Variants in PIAS2 observed in about 807,000 individuals in gnomAD.
PIAS2 encodes the protein protein inhibitor of activated STAT 2.
A neutral mutation model predicts 69.7 loss-of-function variants in PIAS2; 19 were observed. The ratio of observed to expected loss-of-function variants is 0.27; its 90% CI spans 0.19 to 0.40. The LOEUF is 0.40. Among genes scored for constraint, PIAS2 ranks in the 10% least tolerant of loss-of-function variants. PIAS2 has a pLI of 1.00. For synonymous variants in PIAS2, 261 were observed against 263.2 expected (o/e 0.99, Z 0.08); for missense variants, 624 against 757.0 (o/e 0.82, Z 2.06).
chr18:46,832,892 C>CAAAAAAAAAAAAA (rs34958166), intron 9 of PIAS2, among the ~76,000 whole-genome samples: 56 of 105,928 alleles, frequency 5.3e-4, no homozygotes, highest in African/African-American at 1.8e-3. Flanking sequence ...CCTCTGTCTC[C>CAAAAAAAAAAAAA]AAAAAAAAAA....
At chr18:46,860,354 T>C (rs182894685) in intron 3 of PIAS2, among the ~76,000 whole-genome samples, 35 of 152,292 alleles carry the variant, frequency 2.3e-4, no homozygotes, top group Non-Finnish European at 4.7e-4. Context: ...ATGTACAATA[T>C]GCTAGATCAA....
intron 12 of PIAS2, chr18:46,816,413 C>T (rs1009772742): frequency 2.9e-5 from 29 of 984,912 alleles, no homozygotes; most frequent in Non-Finnish European, 3.5e-5. Context: ...TAGCACCAAT[C>T]ATTTGAAAGA....
At chr18:46,827,908 A>G in intron 11 of PIAS2, 51 bp downstream of exon 11, 1 of 1,467,788 alleles carries the variant, frequency 6.8e-7, no homozygotes, top group Non-Finnish European at 9.4e-7. Context: ...TCTATCCAAG[A>G]GCAATTAGTT....
chr18:46,855,493 T>C (rs2047603814), intron 4 of PIAS2, 58 bp from the exon 5 acceptor site: 5 of 1,575,846 alleles, frequency 3.2e-6, no homozygotes, highest in African/African-American at 1.4e-5. Context: ...TTCTTATATG[T>C]TTTAAAATTC....
intron 1 of PIAS2, among the ~76,000 whole-genome samples, chr18:46,911,748 C>G (rs1293206384): frequency 6.6e-6 from 1 of 152,056 alleles, no homozygotes; most frequent in African/African-American, 2.4e-5. Context: ...CAGTACTAAC[C>G]AAAAACAAAG....
intron 1 of PIAS2, among the ~76,000 whole-genome samples, chr18:46,907,111 G>A (rs1429052110): frequency 6.6e-6 from 1 of 152,094 alleles, no homozygotes. Context: ...GCAATGGAGA[G>A]GTTAAAAGTC....
intron 2 of PIAS2, among the ~76,000 whole-genome samples, chr18:46,883,365 T>C (rs1298085693): frequency 4.6e-5 from 7 of 152,164 alleles, no homozygotes; most frequent in African/African-American, 9.7e-5. Flanking sequence ...TTATGATGCA[T>C]ATAAACAGCG....
rs1009502186 is a variant in PIAS2, at chr18:46,806,118, G to C, written c.*6315C>G. 3 of 152,034 alleles carry C rather than the reference G, an allele frequency of 2.0e-5. No individual in the cohort carries two copies. The highest frequency in any genetic ancestry group is 7.2e-5 in the African/African-American group (3 of 41,382). The allele number at this position is 152,034 out of a possible 1,614,324, so 9.4% of individuals were successfully genotyped here. A position where few individuals can be genotyped will look rare whatever the true frequency, so the allele number is the denominator to read the frequency against. On this transcript the variant is annotated 3_prime_UTR_variant, in exon 14 of 14. Transcript: ENST00000585916. The stretch of plus-strand genomic sequence containing the variant: ...ACCAGTTCTCATAATTTTAAGTCTA[G>C]ATTCCCATATCAGTCTCCTAGATAG...
At chr18:46,896,086 G>C (rs934664309) in intron 1 of PIAS2, among the ~76,000 whole-genome samples, 1 of 144,436 alleles carries the variant, frequency 6.9e-6, no homozygotes, top group African/African-American at 2.6e-5. Flanking sequence ...AAATAAAGTA[G>C]TCAATTAAGG....
chr18:46,909,242 G>GT (rs1274971828), intron 1 of PIAS2, among the ~76,000 whole-genome samples: 1 of 152,100 alleles, frequency 6.6e-6, no homozygotes, highest in Non-Finnish European at 1.5e-5. Context: ...CTAAAAGGTG[G>GT]TATTTTATAC....
At chr18:46,827,734 GAAAT>G in intron 11 of PIAS2, 1 of 419,116 alleles carries the variant, frequency 2.4e-6, no homozygotes, top group Middle Eastern at 6.4e-4. Context: ...TCTCAGGTAG[GAAAT>G]AAATACCTCA....
intron 5 of PIAS2, among the ~76,000 whole-genome samples, chr18:46,850,471 T>A (rs972774837): frequency 2.0e-5 from 3 of 152,328 alleles, no homozygotes; most frequent in East Asian, 3.9e-4. Context: ...TTAGGTATAT[T>A]GCTTCCTCGA....
At chr18:46,883,565 G>A (rs560730423) in intron 2 of PIAS2, among the ~76,000 whole-genome samples, 4 of 152,072 alleles carry the variant, frequency 2.6e-5, no homozygotes, top group Non-Finnish European at 4.4e-5. Context: ...AAGCCTGGCA[G>A]AATGGCTCAT....
upstream of PIAS2, chr18:46,917,585 C>T (rs1400343225): frequency 3.9e-5 from 41 of 1,051,534 alleles, no homozygotes; most frequent in Admixed American, 1.3e-3. Flanking sequence ...GCGCGACCGC[C>T]TTCCGCCCGC....
chr18:46,829,731 T>C lies in PIAS2; in HGVS notation c.1336+3A>G. On this transcript the variant is annotated splice_donor_region_variant and intron_variant, in intron 10 of 13. Coordinates refer to ENST00000585916, the MANE Select transcript of PIAS2 (RefSeq NM_004671.5). The stretch of plus-strand genomic sequence containing the variant: ...TTACTCTCTGCTGCTATTCTACACA[T>C]ACTTTCTATTTTTGTACACGGTTGG... 1 of 1,612,292 alleles carries C rather than the reference T, an allele frequency of 6.2e-7. No homozygotes were observed. The highest frequency in any genetic ancestry group is 8.5e-7 in the Non-Finnish European group (1 of 1,179,152).
intron 11 of PIAS2, chr18:46,826,626 AT>A (rs1171013983): frequency 1.3e-5 from 2 of 152,226 alleles, no homozygotes; most frequent in Admixed American, 6.5e-5. Context: ...TCTGTTTATC[AT>A]TTAAATTACA....
chr18:46,905,138 C>A (rs554843704), intron 1 of PIAS2, among the ~76,000 whole-genome samples: 32 of 152,220 alleles, frequency 2.1e-4, no homozygotes, highest in African/African-American at 7.2e-4. Flanking sequence ...ATAGTCTAAA[C>A]ATATTTCAAA....
chr18:46,891,248 G>A, intron 1 of PIAS2, 194 bp from the exon 2 acceptor site: 1 of 682,080 alleles, frequency 1.5e-6, no homozygotes, highest in Non-Finnish European at 2.6e-6. Context: ...AAGTTACGGT[G>A]TTAATTATAT....
intron 1 of PIAS2, chr18:46,915,558 A>G (rs1347025950): frequency 1.3e-5 from 2 of 152,208 alleles, no homozygotes; most frequent in African/African-American, 4.8e-5. Context: ...GCTGATTTAC[A>G]GGAAAAGAGG....
Sources: gnomAD v4.1 joint callset for allele counts (sites outside exome capture counted in the v4.1 genomes callset) on GRCh38, gnomAD v4.1.1 for gene constraint, MANE v1.5 for transcripts, NCBI Gene and HGNC (gene_info 2026-07-23, HGNC 2026-07-21) for gene names.